Variants in MYO16 observed in about 807,000 individuals in gnomAD.
MYO16 encodes the protein myosin XVI.
Under a neutral mutation model 205.3 loss-of-function variants are expected in MYO16, and 94 were observed. The ratio of observed to expected loss-of-function variants is 0.46; its 90% CI spans 0.39 to 0.54. MYO16 has a LOEUF of 0.54. Ranked by LOEUF, MYO16 falls within the 20% of genes least tolerant of loss-of-function variation. The pLI is 0.00. For synonymous variants in MYO16, 988 were observed against 954.0 expected, an observed-to-expected ratio of 1.04 and a Z score of -0.66; for missense variants, 2,315 against 2,387.5, an observed-to-expected ratio of 0.97 and a Z score of 0.63.
At chr13:109,065,715 T>C in intron 27 of MYO16, 1 of 344,676 alleles carries the variant, frequency 2.9e-6, no homozygotes, top group Non-Finnish European at 5.6e-6. Context: ...GTCCTATGGC[T>C]CTCTCTCAAG....
chr13:108,724,643 C>T (rs898808908), intron 3 of MYO16, among the ~76,000 whole-genome samples: 1 of 152,022 alleles, frequency 6.6e-6, no homozygotes, highest in Non-Finnish European at 1.5e-5. Flanking sequence ...CGGTATTACG[C>T]ACGGTGCATG....
At chr13:108,716,663 C>T (rs897758644) in intron 3 of MYO16, among the ~76,000 whole-genome samples, 5 of 152,144 alleles carry the variant, frequency 3.3e-5, no homozygotes, top group Admixed American at 6.5e-5. Flanking sequence ...ACCTTTTGGG[C>T]GTCCCACATT....
At chr13:108,564,315 C>T in the MYO16 span, among the ~76,000 whole-genome samples, 80 of 151,914 alleles carry the variant, frequency 5.3e-4, no homozygotes, top group Admixed American at 3.5e-3. Context: ...GGATTAAAGG[C>T]GTCCGCCACC....
Position 109,106,285 on chromosome 13 carries a change from A to G in MYO16, c.3438+5398A>G, listed in dbSNP as rs1056230884. Among the ~76,000 whole-genome samples, 3 of 152,306 alleles carry G rather than the reference A, an allele frequency of 2.0e-5. No homozygotes were observed. The East Asian group carries it at 5.8e-4, about 29-fold the overall frequency. ...TTATTAACCATCTGCTATTTGTTTC[A>G]TTATTGTTATTATTCAGGTATTTTC... On this transcript the variant is annotated intron_variant, in intron 28 of 34. Transcript: ENST00000457511.
chr13:108,939,817 GTGT>G (rs1882647407), intron 16 of MYO16, among the ~76,000 whole-genome samples: 1 of 152,040 alleles, frequency 6.6e-6, no homozygotes, highest in Non-Finnish European at 1.5e-5. Context: ...ACTACCTATA[GTGT>G]TGTCATACTA....
chr13:108,880,269 G>T (rs1879547167), intron 12 of MYO16, among the ~76,000 whole-genome samples: 1 of 152,180 alleles, frequency 6.6e-6, no homozygotes, highest in Non-Finnish European at 1.5e-5. Flanking sequence ...TTAGCCCTTT[G>T]TCAGTTGGGT....
At chr13:109,035,548 G>C (rs527426716) in intron 23 of MYO16, among the ~76,000 whole-genome samples, 5 of 152,190 alleles carry the variant, frequency 3.3e-5, no homozygotes, top group African/African-American at 1.2e-4. Context: ...GCCGGGCGTG[G>C]TGGTGTATGC....
intron 31 of MYO16, among the ~76,000 whole-genome samples, chr13:109,132,231 T>A (rs1182035744): frequency 6.6e-6 from 1 of 152,238 alleles, no homozygotes; most frequent in Non-Finnish European, 1.5e-5. Flanking sequence ...CAGGCAGCTC[T>A]AGTCCTCACT....
At chr13:108,963,653 C>A (rs1277801680) in intron 19 of MYO16, among the ~76,000 whole-genome samples, 2 of 152,236 alleles carry the variant, frequency 1.3e-5, no homozygotes. Flanking sequence ...TACACCAGCT[C>A]ATCACTTTAG....
At chr13:108,684,532 C>T (rs1270771586) in intron 2 of MYO16, among the ~76,000 whole-genome samples, 2 of 152,186 alleles carry the variant, frequency 1.3e-5, no homozygotes, top group African/African-American at 4.8e-5. Flanking sequence ...ACCTTAGTTT[C>T]TGACACAGAG....
At chr13:108,654,843 T>G (rs1310708008) in intron 1 of MYO16, among the ~76,000 whole-genome samples, 1 of 152,172 alleles carries the variant, frequency 6.6e-6, no homozygotes, top group Admixed American at 6.5e-5. Context: ...ATGGTGGCAT[T>G]TTGCCCCTAC....
At chr13:108,695,067 G>A (rs376521025) in intron 2 of MYO16, among the ~76,000 whole-genome samples, 7 of 152,258 alleles carry the variant, frequency 4.6e-5, no homozygotes, top group East Asian at 3.9e-4. Flanking sequence ...AGCTGAGATC[G>A]CACCATTGCA....
intron 1 of MYO16, among the ~76,000 whole-genome samples, chr13:108,649,727 TGA>T (rs1385724985): frequency 6.6e-6 from 1 of 152,078 alleles, no homozygotes; most frequent in Admixed American, 6.6e-5. Context: ...AGTGAAGTGG[TGA>T]GAGAATAAAG....
rs190412886 is a variant in MYO16 at position 108,844,935 on chromosome 13, T to A, written c.1248+442T>A. 1.2e-4 allele frequency among the ~76,000 whole-genome samples: 19 copies of A among 152,218 alleles called. No homozygotes were observed. The East Asian group carries it at 3.7e-3, about 29-fold the overall frequency. On this transcript the variant is annotated intron_variant, in intron 10 of 34. Transcript: ENST00000457511. ...ATGTGTATCTGTACGTGTCTGTGTG[T>A]TTATGTTGCGTGTGTGTGTGTGCAT...
chr13:108,756,657 A>G (rs952337620), intron 4 of MYO16, among the ~76,000 whole-genome samples: 4 of 152,132 alleles, frequency 2.6e-5, no homozygotes, highest in Non-Finnish European at 5.9e-5. Flanking sequence ...TCCTAACTAC[A>G]GAAGGAATTC....
intron 2 of MYO16, among the ~76,000 whole-genome samples, chr13:108,692,547 C>T (rs1189134276): frequency 6.6e-6 from 1 of 152,108 alleles, no homozygotes. Flanking sequence ...TAGGCTTTGG[C>T]AGTTTTGTCA....
intron 4 of MYO16, among the ~76,000 whole-genome samples, chr13:108,749,714 T>G (rs1463729557): frequency 6.6e-6 from 1 of 152,204 alleles, no homozygotes; most frequent in Non-Finnish European, 1.5e-5. Context: ...TGGAGACACT[T>G]GGCAGTTCTT....
At chr13:108,542,647 A>G in the MYO16 span, among the ~76,000 whole-genome samples, 1 of 152,152 alleles carries the variant, frequency 6.6e-6, no homozygotes, top group East Asian at 1.9e-4. Context: ...TAATAAATTC[A>G]CTGGCATTTA....
At chr13:108,789,975 G>A (rs985275279) in intron 5 of MYO16, among the ~76,000 whole-genome samples, 4 of 152,298 alleles carry the variant, frequency 2.6e-5, no homozygotes, top group Admixed American at 6.5e-5. Context: ...AGGCATCACA[G>A]AAGTGTCACC....
Sources: gnomAD v4.1 joint callset for allele counts (sites outside exome capture counted in the v4.1 genomes callset) on GRCh38, gnomAD v4.1.1 for gene constraint, MANE v1.5 for transcripts, NCBI Gene and HGNC (gene_info 2026-07-23, HGNC 2026-07-21) for gene names.